ATP8B4: variants seen among roughly 807,000 people sequenced by gnomAD.
ATP8B4 encodes the protein probable phospholipid-transporting ATPase IM.
A neutral mutation model predicts 145.6 loss-of-function variants in ATP8B4; 133 were observed. The ratio of observed to expected loss-of-function variants is 0.91; its 90% CI spans 0.79 to 1.05. The LOEUF is 1.05. Ranked by LOEUF, ATP8B4 falls within the 50% of genes least tolerant of loss-of-function variation. The pLI is 0.00. For missense variants in ATP8B4, 1,458 were observed against 1,425.2 expected (o/e 1.02, Z -0.37); for synonymous variants, 507 against 492.9 (o/e 1.03, Z -0.38).
At chr15:49,978,739 T>TACACACACACACACACACAC (rs60436585) in intron 12 of ATP8B4, among the ~76,000 whole-genome samples, 3 of 122,856 alleles carry the variant, frequency 2.4e-5, no homozygotes, top group East Asian at 3.1e-4. Context: ...CTTTATCAAA[T>TACACACACACACACACACAC]ACACACACAC....
chr15:50,051,777 T>C (rs1231833772), intron 3 of ATP8B4, among the ~76,000 whole-genome samples: 1 of 152,192 alleles, frequency 6.6e-6, no homozygotes, highest in Non-Finnish European at 1.5e-5. Context: ...ACATATGCAA[T>C]GTCTATAACT....
chr15:49,966,868 G>A (rs993183104), intron 13 of ATP8B4, among the ~76,000 whole-genome samples: 1 of 152,186 alleles, frequency 6.6e-6, no homozygotes, highest in Admixed American at 6.5e-5. Flanking sequence ...ATATAGGAGA[G>A]TCCTGGCTGA....
intron 6 of ATP8B4, among the ~76,000 whole-genome samples, chr15:50,017,519 G>C (rs2049182776): frequency 6.6e-6 from 1 of 152,076 alleles, no homozygotes; most frequent in Admixed American, 6.6e-5. Flanking sequence ...AAAGAAGATA[G>C]TTTCCAATGG....
intron 1 of ATP8B4, among the ~76,000 whole-genome samples, chr15:50,111,723 G>A (rs1325093323): frequency 1.3e-5 from 2 of 152,222 alleles, no homozygotes; most frequent in Non-Finnish European, 2.9e-5. Context: ...TGGGTGGGTC[G>A]TGGGGACAGG....
intron 20 of ATP8B4, among the ~76,000 whole-genome samples, chr15:49,911,951 G>A (rs1238108984): frequency 6.6e-6 from 1 of 151,906 alleles, no homozygotes; most frequent in African/African-American, 2.4e-5. Context: ...AATGAAAAAA[G>A]TAAGATGAAA....
intron 20 of ATP8B4, chr15:49,901,815 A>T (rs2038070636): frequency 4.7e-6 from 2 of 425,674 alleles, no homozygotes; most frequent in South Asian, 1.7e-5. Flanking sequence ...ATAATAGGAT[A>T]GAACATTTTA....
At chr15:50,098,196 A>G (rs1470392704) in intron 2 of ATP8B4, among the ~76,000 whole-genome samples, 1 of 150,374 alleles carries the variant, frequency 6.7e-6, no homozygotes, top group Non-Finnish European at 1.5e-5. Flanking sequence ...TAAGCTGCCA[A>G]GAAAAAATTA....
chr15:50,012,226 A>T (rs991954309), intron 6 of ATP8B4, among the ~76,000 whole-genome samples: 6 of 152,152 alleles, frequency 3.9e-5, no homozygotes, highest in African/African-American at 1.4e-4. Context: ...TTTCTCCTAG[A>T]GACACCTCCT....
intron 21 of ATP8B4, 32 bp downstream of exon 21, chr15:49,901,060 A>C: frequency 6.2e-7 from 1 of 1,602,760 alleles, no homozygotes; most frequent in South Asian, 1.1e-5. Context: ...CAGTGAAGAA[A>C]AAGAAAGGAC....
intron 13 of ATP8B4, 124 bp downstream of exon 13, chr15:49,972,458 G>T: frequency 1.2e-6 from 1 of 820,680 alleles, no homozygotes; most frequent in Non-Finnish European, 1.9e-6. Context: ...GGTAGATGCT[G>T]ACGGTGCCCA....
At chr15:50,010,436 C>T (rs1025597328) in intron 7 of ATP8B4, among the ~76,000 whole-genome samples, 42 of 151,810 alleles carry the variant, frequency 2.8e-4, no homozygotes, top group African/African-American at 9.4e-4. Flanking sequence ...CTTTCTCTAG[C>T]TTATTTTTTT....
At chr15:49,922,365 T>C (rs963779287) in intron 17 of ATP8B4, 2 of 444,740 alleles carry the variant, frequency 4.5e-6, no homozygotes, top group African/African-American at 2.0e-5. Context: ...GATTCCAGTG[T>C]TGTGTTCATT....
intron 10 of ATP8B4, among the ~76,000 whole-genome samples, chr15:49,985,580 A>C (rs908131812): frequency 2.6e-5 from 4 of 152,228 alleles, no homozygotes; most frequent in Non-Finnish European, 5.9e-5. Context: ...ACTAAAGTCA[A>C]TGCAGGCATG....
chr15:50,143,768 C>T lies in ATP8B4; in HGVS notation c.-42-36760G>A, dbSNP rs574755180. On this transcript the variant is annotated intron_variant, in intron 1 of 3. Coordinates refer to the ATP8B4 transcript ENST00000558829. ...GGGAGGGATGATTCTGCATTCCTGA[C>T]AGATGGAACAGCGTGATTAAAGGTA... is the stretch of plus-strand genomic sequence containing the variant. Among the ~76,000 whole-genome samples the T allele has an allele frequency of 2.0e-4, 31 of 152,228 alleles. No homozygotes were observed. In the South Asian group the frequency reaches 3.5e-3, roughly 17 times the overall value.
chr15:50,172,207 G>A (rs1173507251), intron 1 of ATP8B4, among the ~76,000 whole-genome samples: 6 of 152,230 alleles, frequency 3.9e-5, no homozygotes, highest in Non-Finnish European at 8.8e-5. Context: ...AGGCTGGACT[G>A]TACTGCCGCC....
intron 4 of ATP8B4, among the ~76,000 whole-genome samples, chr15:50,045,494 C>T (rs796163046): frequency 1.1e-3 from 160 of 152,180 alleles, no homozygotes; most frequent in African/African-American, 3.6e-3. Context: ...TCTGCTGCTT[C>T]GGGGCCATCA....
At chr15:50,077,707 C>T (rs544072450) in intron 2 of ATP8B4, among the ~76,000 whole-genome samples, 5 of 152,152 alleles carry the variant, frequency 3.3e-5, no homozygotes, top group Admixed American at 2.6e-4. Flanking sequence ...ATAACTGAAC[C>T]AGTTGGGATC....
At chr15:50,165,608 A>G (rs1373884716) in intron 1 of ATP8B4, among the ~76,000 whole-genome samples, 1 of 152,158 alleles carries the variant, frequency 6.6e-6, no homozygotes, top group Non-Finnish European at 1.5e-5. Context: ...AGGAAACATC[A>G]ACAGAGATGA....
intron 1 of ATP8B4, among the ~76,000 whole-genome samples, chr15:50,131,504 TC>T (rs1329498299): frequency 3.9e-5 from 6 of 152,092 alleles, no homozygotes; most frequent in Non-Finnish European, 1.5e-5. Flanking sequence ...ATAATGATTC[TC>T]CTTTTATTCG....
Sources: gnomAD v4.1 joint callset for allele counts (sites outside exome capture counted in the v4.1 genomes callset) on GRCh38, gnomAD v4.1.1 for gene constraint, MANE v1.5 for transcripts, NCBI Gene and HGNC (gene_info 2026-07-23, HGNC 2026-07-21) for gene names.